The following HERC5 variants were observed in gnomAD, a reference collection of about 807,000 sequenced individuals.
The protein encoded by HERC5 is E3 ISG15--protein ligase HERC5.
A neutral mutation model predicts 119.6 loss-of-function variants in HERC5; 99 were observed. The observed-to-expected ratio is 0.83, with a 90% CI of 0.70 to 0.98. The LOEUF is 0.98. Ranked by LOEUF, HERC5 falls within the 50% of genes least tolerant of loss-of-function variation. The pLI is 0.00. For missense variants in HERC5, 1,267 were observed against 1,241.3 expected (o/e 1.02, Z -0.31); for synonymous variants, 478 against 445.9 (o/e 1.07, Z -0.91).
At chr4:88,473,210 T>C (rs527660259) in intron 11 of HERC5, 2 of 152,214 alleles carry the variant, frequency 1.3e-5, no homozygotes, top group Admixed American at 6.6e-5. Context: ...TTTATTTTAC[T>C]GGTTGATATG....
chr4:88,463,718 T>C (rs1448779517), intron 5 of HERC5, 95 bp downstream of exon 5: 194 of 1,367,762 alleles, frequency 1.4e-4, no homozygotes, highest in Non-Finnish European at 3.0e-5. Context: ...CATCACTTCC[T>C]GTATGTAGGA....
At position 88,486,788 on chromosome 4, in the gene HERC5, A is replaced by G. The variant is rs190534597; in HGVS notation, c.1852-281A>G. ...ATCAAATGCAACTGAGCTTATTCAC[A>G]TGGTAGAAACTCAGGTTTCAGCAGA... On this transcript the variant is annotated intron_variant, in intron 14 of 22. Transcript: ENST00000264350. 1.7e-4 allele frequency among the ~76,000 whole-genome samples: 26 copies of G among 152,352 alleles called. No individual in the cohort carries two copies. In the East Asian group the frequency reaches 4.0e-3, roughly 24 times the overall value.
chr4:88,481,240 A>C (rs1018240574), intron 13 of HERC5, among the ~76,000 whole-genome samples: 5 of 152,140 alleles, frequency 3.3e-5, no homozygotes, highest in African/African-American at 1.2e-4. Flanking sequence ...TTTTGTAGAG[A>C]TGGGGTTTCG....
intron 12 of HERC5, 124 bp downstream of exon 12, chr4:88,476,154 A>G (rs907629077): frequency 1.1e-5 from 8 of 698,032 alleles, no homozygotes; most frequent in Non-Finnish European, 1.9e-5. Context: ...TATTGTTAGC[A>G]TACTCTAAAG....
At position 88,492,864 on chromosome 4, in the gene HERC5, A is replaced by G. The variant is rs568134552; in HGVS notation, c.2134-148A>G. ...CATAGAATTAATGTAGAGATTAAAT[A>G]TGATAATATAAGTAGGATACTTACC... On this transcript the variant is annotated intron_variant, in intron 16 of 22. Transcript: ENST00000264350. 138 of 596,396 alleles carry G rather than the reference A, an allele frequency of 2.3e-4. 1 individual carries two copies. The African/African-American group carries it at 2.5e-3, about 11-fold the overall frequency. 36.9% of individuals were successfully genotyped at this position (596,396 alleles called of 1,614,324 possible). A position where few individuals can be genotyped will look rare whatever the true frequency, so the allele number is the denominator to read the frequency against.
At chr4:88,501,730 C>G in intron 20 of HERC5, among the ~76,000 whole-genome samples, 1 of 152,092 alleles carries the variant, frequency 6.6e-6, no homozygotes, top group East Asian at 1.9e-4. Context: ...ACTGCCAGAT[C>G]AAGAAATATA....
Position 88,486,012 on chromosome 4 carries a change from A to G in HERC5, c.1738-103A>G, listed in dbSNP as rs149837380. The G allele has an allele frequency of 4.6e-4, 291 of 637,464 alleles. 3 individuals carry two copies. The East Asian group carries it at 5.6e-3, about 12-fold the overall frequency. The allele number at this position is 637,464 out of a possible 1,614,324, so 39.5% of individuals were successfully genotyped here. A position where few individuals can be genotyped will look rare whatever the true frequency, so the allele number is the denominator to read the frequency against. ...GATAGAATTTTATTCTGGTCATTAT[A>G]AGAGTGTTTCATTTATAATTTAATC... On this transcript the variant is annotated intron_variant, in intron 13 of 22. Transcript: ENST00000264350.
At chr4:88,502,732 G>A (rs1741981426) in intron 20 of HERC5, among the ~76,000 whole-genome samples, 1 of 152,162 alleles carries the variant, frequency 6.6e-6, no homozygotes, top group South Asian at 2.1e-4. Context: ...TGGGTATATA[G>A]TAGTATTCCA....
intron 11 of HERC5, among the ~76,000 whole-genome samples, chr4:88,475,475 C>T (rs1392920822): frequency 1.3e-5 from 2 of 151,794 alleles, no homozygotes; most frequent in Non-Finnish European, 2.9e-5. Context: ...CGCACCGTCA[C>T]GCCCAGCTAA....
At chr4:88,498,865 C>G (rs1050653951) in intron 18 of HERC5, among the ~76,000 whole-genome samples, 3 of 152,256 alleles carry the variant, frequency 2.0e-5, no homozygotes, top group Non-Finnish European at 4.4e-5. Flanking sequence ...GCCACTGTAC[C>G]TGGCCTACCA....
intron 15 of HERC5, 71 bp from the exon 16 acceptor site, chr4:88,489,095 C>G (rs1741554163): frequency 1.5e-6 from 2 of 1,342,196 alleles, no homozygotes; most frequent in African/African-American, 2.9e-5. Context: ...GTTTATTCTG[C>G]TTTCCAAATT....
rs1383440820 is a variant in HERC5, at chr4:88,504,404, A to G, written c.2755A>G (p.Thr919Ala). The G allele has an allele frequency of 1.3e-6, 2 of 1,599,388 alleles. No individual in the cohort carries two copies. The highest frequency in any genetic ancestry group is 1.7e-6 in the Non-Finnish European group (2 of 1,169,934). ...IVGNTDYDWK[T>A]FEKNARYEPG... ...TGGAAATACAGATTATGATTGGAAAACATTTGAAAAGGTACATCATCAAGT... is the reference window on the plus strand; with the variant it reads ...TGGAAATACAGATTATGATTGGAAAGCATTTGAAAAGGTACATCATCAAGT... The change falls in exon 21 of 23, where the codon ACA becomes GCA. Residue 919 changes from threonine (T) to alanine (A), a missense_variant. Coordinates refer to ENST00000264350, the MANE Select transcript of HERC5 (RefSeq NM_016323.4).
intron 2 of HERC5, among the ~76,000 whole-genome samples, chr4:88,459,802 T>C (rs574432123): frequency 3.9e-5 from 6 of 152,270 alleles, no homozygotes; most frequent in Admixed American, 3.9e-4. Context: ...CATGAAATAA[T>C]TTGTGAGACT....
At chr4:88,472,524 G>T (rs956134674) in intron 11 of HERC5, 22 bp downstream of exon 11, 2 of 1,324,276 alleles carry the variant, frequency 1.5e-6, no homozygotes, top group Admixed American at 1.9e-5. Context: ...TTGTTATGTG[G>T]AGAAAGAAAA....
chr4:88,502,635 C>T (rs539418362), intron 20 of HERC5, among the ~76,000 whole-genome samples: 1 of 152,310 alleles, frequency 6.6e-6, no homozygotes, highest in East Asian at 1.9e-4. Context: ...AATGGAGGCA[C>T]ACTTTCATCA....
rs1380361930 is a variant in HERC5, at chr4:88,459,378, A to G, written c.297A>G (p.Ile99Met). 2.5e-5 allele frequency: 39 copies of G among 1,591,320 alleles called. No homozygotes were observed. Among genetic ancestry groups the G allele is most frequent in the Non-Finnish European group, 3.2e-5 (37 of 1,171,908 alleles). Residue 99 changes from isoleucine (I) to methionine (M), a missense_variant, in exon 2 of 23, where the codon ATA becomes ATG. By Grantham distance (10) the Ile-to-Met change is conservative. Transcript: ENST00000264350. ...KCIKLGKNMKIHSVDQGAEHM... is the reference protein window; with the variant it reads ...KCIKLGKNMKMHSVDQGAEHM... Reference sequence around the variant, plus strand: ...TTAAATTAGGAAAAAACATGAAGATACATTCCGTGGACCAAGGAGCAGAGC... The same window carrying G: ...TTAAATTAGGAAAAAACATGAAGATGCATTCCGTGGACCAAGGAGCAGAGC...
chr4:88,459,436 T>C lies in HERC5; in HGVS notation c.355T>C (p.Phe119Leu), dbSNP rs1360065962. The C allele has an allele frequency of 1.3e-6, 2 of 1,589,392 alleles. No individual in the cohort carries two copies. Among genetic ancestry groups the C allele is most frequent in the African/African-American group, 1.4e-5 (1 of 74,008 alleles). The change falls in exon 2 of 23, where the codon TTT (phenylalanine) becomes CTT (leucine). Residue 119 changes from phenylalanine (F) to leucine (L), a missense_variant. Transcript: ENST00000264350. Reference sequence around the variant, plus strand: ...GATTCTCTCATCAGATGGAAAACCATTTGAGTATGACAACTATAGCATGAA... The same window carrying C: ...GATTCTCTCATCAGATGGAAAACCACTTGAGTATGACAACTATAGCATGAA... ...MLILSSDGKPFEYDNYSMKHL... is the reference protein window; with the variant it reads ...MLILSSDGKPLEYDNYSMKHL...
intron 15 of HERC5, among the ~76,000 whole-genome samples, 160 bp downstream of exon 15, chr4:88,487,339 T>C (rs1291900645): frequency 2.6e-5 from 4 of 152,186 alleles, no homozygotes; most frequent in Admixed American, 2.0e-4. Context: ...AGGCAGACTG[T>C]CATAATTTGA....
At chr4:88,493,194 GA>G (rs1292836173) in intron 17 of HERC5, 39 bp downstream of exon 17, 1 of 1,598,394 alleles carries the variant, frequency 6.3e-7, no homozygotes, top group Non-Finnish European at 8.6e-7. Flanking sequence ...TTTTGCGACA[GA>G]AAAAGTACAC....
Sources: gnomAD v4.1 joint callset for allele counts (sites outside exome capture counted in the v4.1 genomes callset) on GRCh38, gnomAD v4.1.1 for gene constraint, MANE v1.5 for transcripts, NCBI Gene and HGNC (gene_info 2026-07-23, HGNC 2026-07-21) for gene names.